Variants in PEPD observed in about 807,000 individuals in gnomAD.
PEPD encodes the protein xaa-Pro dipeptidase.
Under a neutral mutation model 60.7 loss-of-function variants are expected in PEPD, and 53 were observed. The observed-to-expected ratio is 0.87, with a 90% CI of 0.70 to 1.10. The LOEUF (loss-of-function observed/expected upper bound fraction) is 1.10, where lower values mean the gene tolerates loss of function less well. Among genes scored for constraint, PEPD ranks in the 50% least tolerant of loss-of-function variants. The pLI is 0.00. For synonymous variants in PEPD, 267 were observed against 284.1 expected (o/e 0.94, Z 0.60); for missense variants, 711 against 711.9 (o/e 1.00, Z 0.01).
intron 3 of PEPD, among the ~76,000 whole-genome samples, chr19:33,504,009 CA>C (rs898256167): frequency 6.6e-6 from 1 of 152,138 alleles, no homozygotes; most frequent in African/African-American, 2.4e-5. Context: ...CCTCCCAAGC[CA>C]GAGGTCTGGT....
At chr19:33,521,675 C>A in intron 1 of PEPD, 69 bp downstream of exon 1, 1 of 1,492,984 alleles carries the variant, frequency 6.7e-7, no homozygotes, top group African/African-American at 1.4e-5. Context: ...CTCTCACCCG[C>A]GGTCCGGCCG....
At chr19:33,463,317 G>T (rs1378514642) in intron 8 of PEPD, among the ~76,000 whole-genome samples, 1 of 152,234 alleles carries the variant, frequency 6.6e-6, no homozygotes. Context: ...GCAGCCCGAG[G>T]ACAGTGAGGA....
At chr19:33,410,742 C>A (rs1238049023) in intron 11 of PEPD, among the ~76,000 whole-genome samples, 1 of 152,190 alleles carries the variant, frequency 6.6e-6, no homozygotes, top group African/African-American at 2.4e-5. Context: ...CACCAAAGAA[C>A]TGGGAGGGAC....
chr19:33,446,310 A>C (rs1222074651), intron 9 of PEPD, among the ~76,000 whole-genome samples: 1 of 152,222 alleles, frequency 6.6e-6, no homozygotes, highest in Non-Finnish European at 1.5e-5. Flanking sequence ...GCCAAGATAA[A>C]TGATTCAAAG....
At chr19:33,476,727 G>GCA (rs1970222394) in intron 7 of PEPD, among the ~76,000 whole-genome samples, 1 of 152,024 alleles carries the variant, frequency 6.6e-6, no homozygotes, top group Non-Finnish European at 1.5e-5. Flanking sequence ...ACAGTGGCGT[G>GCA]ATCTCAGCTC....
intron 7 of PEPD, among the ~76,000 whole-genome samples, chr19:33,474,495 C>G (rs1970180840): frequency 6.6e-6 from 1 of 152,182 alleles, no homozygotes; most frequent in Non-Finnish European, 1.5e-5. Flanking sequence ...AGGCTGCAGC[C>G]TGGCTAACAT....
At chr19:33,392,352 C>T (rs753989783) in intron 12 of PEPD, among the ~76,000 whole-genome samples, 4 of 152,222 alleles carry the variant, frequency 2.6e-5, no homozygotes, top group Non-Finnish European at 2.9e-5. Flanking sequence ...CGGGTGCGCC[C>T]GTCCCATCCC....
chr19:33,520,872 T>C (rs1272551195), intron 1 of PEPD, among the ~76,000 whole-genome samples: 1 of 152,034 alleles, frequency 6.6e-6, no homozygotes, highest in Admixed American at 6.6e-5. Flanking sequence ...AAAAAACAGA[T>C]CAAGCAGCTT....
intron 4 of PEPD, among the ~76,000 whole-genome samples, chr19:33,496,876 C>T (rs942499698): frequency 6.6e-5 from 10 of 152,240 alleles, no homozygotes; most frequent in African/African-American, 2.4e-4. Flanking sequence ...CTAACCAGGG[C>T]CCAGACCAGG....
At chr19:33,398,617 C>G (rs1968419766) in intron 12 of PEPD, among the ~76,000 whole-genome samples, 1 of 152,266 alleles carries the variant, frequency 6.6e-6, no homozygotes, top group Non-Finnish European at 1.5e-5. Flanking sequence ...AAACACTGAT[C>G]ATTCATTCGA....
intron 7 of PEPD, among the ~76,000 whole-genome samples, chr19:33,468,835 AATC>A: frequency 6.6e-6 from 1 of 152,180 alleles, no homozygotes; most frequent in East Asian, 1.9e-4. Context: ...GCATGCTGTT[AATC>A]ATCATGAAGG....
At chr19:33,484,762 A>G (rs1366608586) in intron 6 of PEPD, among the ~76,000 whole-genome samples, 1 of 147,390 alleles carries the variant, frequency 6.8e-6, no homozygotes, top group African/African-American at 2.7e-5. Context: ...ACACAGATAG[A>G]CACACACACA....
At chr19:33,505,263 G>A (rs1970777815) in intron 3 of PEPD, among the ~76,000 whole-genome samples, 2 of 152,118 alleles carry the variant, frequency 1.3e-5, no homozygotes, top group African/African-American at 4.8e-5. Context: ...GCTCTCCACA[G>A]AAGGCAGCGG....
At chr19:33,421,693 C>T (rs986867058) in intron 9 of PEPD, among the ~76,000 whole-genome samples, 1 of 151,976 alleles carries the variant, frequency 6.6e-6, no homozygotes, top group African/African-American at 2.4e-5. Context: ...GGGAGTCTCG[C>T]TACGTTGCCC....
intron 3 of PEPD, among the ~76,000 whole-genome samples, chr19:33,508,183 A>G (rs1215041268): frequency 6.6e-6 from 1 of 152,154 alleles, no homozygotes; most frequent in Non-Finnish European, 1.5e-5. Context: ...GCAGTGGGAC[A>G]TGTCAACAGG....
At position 33,401,817 on chromosome 19, in the gene PEPD, A is replaced by G. The variant is rs1289355243; in HGVS notation, c.871T>C (p.Ser291Pro). 1 of 1,613,092 alleles carries G rather than the reference A, an allele frequency of 6.2e-7. No homozygotes were observed. The highest frequency in any genetic ancestry group is 1.3e-5 in the African/African-American group (1 of 74,928). Residue 291 changes from serine to proline, a missense_variant, in exon 12 of 15, where the codon TCC becomes CCC. Physicochemically the swap from Ser to Pro is moderately conservative, Grantham distance 74 (BLOSUM62 -1). Transcript: ENST00000244137. ...GTGAACTTGCCGTTGGCGGGAAAGG[A>G]GCAGGTGATGTCGGAAGCGAAGCAG... The part of the protein sequence containing the change: ...YYCFASDITC[S>P]FPANGKFTAD...
rs1191204610 is a variant in PEPD, at chr19:33,387,248, C to G, written c.*96G>C. ...GAAGCTGGGATCTGATTCTGGGTGCCGTCTCTCGCTACTGGAGTGCTGACC... is the reference window on the plus strand; with the variant it reads ...GAAGCTGGGATCTGATTCTGGGTGCGGTCTCTCGCTACTGGAGTGCTGACC... On this transcript the variant is annotated 3_prime_UTR_variant, in exon 15 of 15. Transcript: ENST00000244137. The G allele has an allele frequency of 1.4e-6, 2 of 1,423,316 alleles. No homozygotes were observed. The highest frequency in any genetic ancestry group is 1.7e-5 in the Admixed American group (1 of 58,692). The allele number at this position is 1,423,316 out of a possible 1,614,324, so 88.2% of individuals were successfully genotyped here. A position where few individuals can be genotyped will look rare whatever the true frequency, so the allele number is the denominator to read the frequency against.
At chr19:33,432,184 C>T (rs1969288739) in intron 9 of PEPD, among the ~76,000 whole-genome samples, 1 of 152,108 alleles carries the variant, frequency 6.6e-6, no homozygotes, top group Non-Finnish European at 1.5e-5. Context: ...GCTCTGTCGG[C>T]AAGGCTCTCT....
Position 33,391,320 on chromosome 19 carries a change from A to T in PEPD, c.1127T>A (p.Val376Glu). Residue 376 changes from valine to glutamate, a missense_variant, in exon 13 of 15, where the codon GTG becomes GAG. By Grantham distance (121) the Val-to-Glu change is moderately radical. Coordinates refer to ENST00000244137, the MANE Select transcript of PEPD (RefSeq NM_000285.4). ...CTCTGGGTAGCCTCCCACGTCGTGCACGTCAATGCCCAGGAAGTGGCCAAG... is the reference window on the plus strand; with the variant it reads ...CTCTGGGTAGCCTCCCACGTCGTGCTCGTCAATGCCCAGGAAGTGGCCAAG... Reference protein sequence around the residue: ...HGLGHFLGIDVHDVGGYPEGV... With the variant: ...HGLGHFLGIDEHDVGGYPEGV... 6.2e-7 allele frequency: 1 copy of T among 1,611,970 alleles called. No individual in the cohort carries two copies. The highest frequency in any genetic ancestry group is 8.5e-7 in the Non-Finnish European group (1 of 1,179,562).
Sources: gnomAD v4.1 joint callset for allele counts (sites outside exome capture counted in the v4.1 genomes callset) on GRCh38, gnomAD v4.1.1 for gene constraint, MANE v1.5 for transcripts, NCBI Gene and HGNC (gene_info 2026-07-23, HGNC 2026-07-21) for gene names.